The following WEE2 variants were observed in gnomAD, a reference collection of about 807,000 sequenced individuals.
The protein encoded by WEE2 is WEE2 oocyte meiosis inhibiting kinase.
In WEE2, 50 loss-of-function variants were observed where a neutral mutation model predicts 60.1. The observed-to-expected ratio is 0.83, with a 90% CI of 0.66 to 1.05. The LOEUF (loss-of-function observed/expected upper bound fraction) is 1.05, where lower values mean the gene tolerates loss of function less well. WEE2 is among the 50% of genes least tolerant of loss of function. The pLI is 0.00. For missense variants in WEE2, 631 were observed against 684.3 expected, an observed-to-expected ratio of 0.92 and a Z score of 0.87; for synonymous variants, 240 against 241.0, an observed-to-expected ratio of 1.00 and a Z score of 0.04.
At chr7:141,724,412 A>C (rs1323046890) in intron 8 of WEE2, 137 bp downstream of exon 8, 2 of 762,288 alleles carry the variant, frequency 2.6e-6, no homozygotes, top group Non-Finnish European at 2.1e-6. Context: ...TGGAGACCAA[A>C]GATAGGAGAG....
At chr7:141,723,094 G>A (rs1162045205) in intron 5 of WEE2, 40 bp from the exon 6 acceptor site, 3 of 1,611,574 alleles carry the variant, frequency 1.9e-6, no homozygotes, top group East Asian at 2.2e-5. Context: ...TCATCTATAA[G>A]ACTCATACTG....
Position 141,723,943 on chromosome 7 carries a change from A to T in WEE2, c.1030A>T (p.Asn344Tyr). ...SMVHLDIKPS[N>Y]IFICHKMQSE... is the part of the protein sequence containing the mutation. ...CTATCCTGTCATTTTTTTTTCAGGT[A>T]ATATATTCATTTGTCACAAGATGCA... is the stretch of plus-strand genomic sequence containing the variant. Residue 344 changes from asparagine to tyrosine, a missense_variant and splice_region_variant, in exon 7 of 12, where the codon AAT becomes TAT. Coordinates refer to ENST00000397541, the MANE Select transcript of WEE2 (RefSeq NM_001105558.1). 1.3e-6 allele frequency: 2 copies of T among 1,590,652 alleles called. No homozygotes were observed. Among genetic ancestry groups the T allele is most frequent in the Admixed American group, 1.8e-5 (1 of 56,108 alleles).
At chr7:141,727,539 T>G in intron 10 of WEE2, 93 bp downstream of exon 10, 1 of 1,472,890 alleles carries the variant, frequency 6.8e-7, no homozygotes, top group Non-Finnish European at 9.2e-7. Context: ...TGGATTCAAG[T>G]ATAAATATAT....
chr7:141,714,508 A>C (rs1798764988), intron 2 of WEE2, 103 bp downstream of exon 2: 5 of 893,866 alleles, frequency 5.6e-6, no homozygotes, highest in Non-Finnish European at 8.5e-6. Flanking sequence ...CTCTATTTGA[A>C]TGAAATGTAT....
At chr7:141,722,607 C>A (rs1798935952) in intron 5 of WEE2, among the ~76,000 whole-genome samples, 1 of 152,106 alleles carries the variant, frequency 6.6e-6, no homozygotes. Context: ...ATTTTATGAT[C>A]TATTTCTAAT....
intron 1 of WEE2, among the ~76,000 whole-genome samples, chr7:141,710,838 A>G (rs756976031): frequency 1.3e-5 from 2 of 152,188 alleles, no homozygotes; most frequent in Non-Finnish European, 2.9e-5. Context: ...CAGAAGCTAG[A>G]TCAAGATTTT....
intron 1 of WEE2, 23 bp from the exon 2 acceptor site, chr7:141,714,186 T>G: frequency 6.3e-7 from 1 of 1,580,662 alleles, no homozygotes; most frequent in Non-Finnish European, 8.6e-7. Flanking sequence ...TATTATGACT[T>G]GCCTTTTGTC....
Position 141,724,059 on chromosome 7 carries a change from C to CT in WEE2, c.1135+13dup, listed in dbSNP as rs1563016299. 6.3e-7 allele frequency: 1 copy of CT among 1,595,250 alleles called. No individual in the cohort carries two copies. Among genetic ancestry groups the CT allele is most frequent in the Non-Finnish European group, 8.6e-7 (1 of 1,165,760 alleles). On this transcript the variant is annotated intron_variant, in intron 7 of 11. Transcript: ENST00000397541. ...TGATGTATAAAATTGGTTAGTCTGC[C>CT]TTATAGCCTTACCAGTTACCATTAT...
rs536442844 is a variant in WEE2 at position 141,713,658 on chromosome 7, G to T, written c.343-551G>T. 3.6e-4 allele frequency among the ~76,000 whole-genome samples: 55 copies of T among 152,246 alleles called. 1 individual carries two copies. The South Asian group carries it at 0.011, about 30-fold the overall frequency. ...TAAAAACTTTTTTCATGTTTAAATA[G>T]TCTATGAAATCTTTTCCTTACAAGG... On this transcript the variant is annotated intron_variant, in intron 1 of 11. Transcript: ENST00000397541.
intron 11 of WEE2, among the ~76,000 whole-genome samples, chr7:141,729,902 C>G (rs1022069502): frequency 6.6e-6 from 1 of 150,972 alleles, no homozygotes; most frequent in Admixed American, 6.6e-5. Context: ...GAAGGAGAAT[C>G]GCTTGAACCC....
At chr7:141,729,698 T>G in intron 11 of WEE2, 25 bp downstream of exon 11, 1 of 1,597,046 alleles carries the variant, frequency 6.3e-7, no homozygotes, top group Non-Finnish European at 8.5e-7. Context: ...CCTTAAGAAC[T>G]CATTTTGCAG....
In WEE2 at chr7:141,721,230, G is replaced by A. The variant is rs376168627; in HGVS notation, c.880+174G>A. ...GCACAGAGCTTCTCTTCCTCTTAAA[G>A]GGGTCCTCGACTTATTCTTTCTTTC... On this transcript the variant is annotated intron_variant, in intron 5 of 11. Coordinates refer to ENST00000397541, the MANE Select transcript of WEE2 (RefSeq NM_001105558.1). 4.3e-4 allele frequency among the ~76,000 whole-genome samples: 66 copies of A among 152,272 alleles called. 1 individual carries two copies. The highest frequency in any genetic ancestry group is 1.6e-3 in the African/African-American group (66 of 41,546).
At chr7:141,725,411 G>T (rs1027859416) in intron 9 of WEE2, among the ~76,000 whole-genome samples, 1 of 152,130 alleles carries the variant, frequency 6.6e-6, no homozygotes, top group African/African-American at 2.4e-5. Flanking sequence ...TGGACCACAA[G>T]GTCAGAAGAT....
chr7:141,726,749 C>CTCTGAATTTGG (rs1367069052), intron 9 of WEE2, among the ~76,000 whole-genome samples: 1 of 152,116 alleles, frequency 6.6e-6, no homozygotes, highest in Non-Finnish European at 1.5e-5. Flanking sequence ...GTGGAGTTGG[C>CTCTGAATTTGG]TCTGAATTTG....
chr7:141,710,502 A>G (rs1237557698), intron 1 of WEE2, among the ~76,000 whole-genome samples: 1 of 152,256 alleles, frequency 6.6e-6, no homozygotes, highest in Non-Finnish European at 1.5e-5. Context: ...GCCTTCAAAA[A>G]GAGCCCACAA....
intron 6 of WEE2, 118 bp downstream of exon 6, chr7:141,723,398 T>G: frequency 4.5e-6 from 5 of 1,109,812 alleles, no homozygotes; most frequent in Non-Finnish European, 6.4e-6. Flanking sequence ...CAGAACCCCT[T>G]TCTTCCATTT....
rs544290677 is a variant in WEE2, at chr7:141,730,517, G to C, written c.*197G>C. 3.8e-5 allele frequency: 20 copies of C among 525,294 alleles called. No individual in the cohort carries two copies. The highest frequency in any genetic ancestry group is 3.8e-4 in the South Asian group (12 of 31,882). The allele number at this position is 525,294 out of a possible 1,614,324, so 32.5% of individuals were successfully genotyped here. A position where few individuals can be genotyped will look rare whatever the true frequency, so the allele number is the denominator to read the frequency against. ...AGGTTATATGATGCTGTTCCTAAGA[G>C]AGAATTCCCAGCTTCTTTGAGGAAG... On this transcript the variant is annotated 3_prime_UTR_variant, in exon 12 of 12. Coordinates refer to ENST00000397541, the MANE Select transcript of WEE2 (RefSeq NM_001105558.1).
intron 7 of WEE2, 26 bp downstream of exon 7, chr7:141,724,074 G>GT: frequency 6.3e-7 from 1 of 1,579,780 alleles, no homozygotes; most frequent in Non-Finnish European, 8.7e-7. Flanking sequence ...AGCCTTACCA[G>GT]TTACCATTAT....
At chr7:141,728,263 G>A (rs1456499201) in intron 10 of WEE2, 1 of 152,150 alleles carries the variant, frequency 6.6e-6, no homozygotes, top group Non-Finnish European at 1.5e-5. Context: ...AAATACAAAA[G>A]AAGAAAATGA....
Sources: allele counts gnomAD v4.1 joint callset (sites outside exome capture counted in the v4.1 genomes callset), GRCh38; gene constraint gnomAD v4.1.1; transcripts MANE v1.5; gene names NCBI Gene and HGNC (gene_info 2026-07-23, HGNC 2026-07-21).